TDRD5: variants seen among roughly 807,000 people sequenced by gnomAD.
The protein encoded by TDRD5 is tudor domain containing 5, also known as tudor domain-containing protein 5.
In TDRD5, 41 loss-of-function variants were observed where a neutral mutation model predicts 120.6. The ratio of observed to expected loss-of-function variants is 0.34; its 90% CI spans 0.26 to 0.44. The LOEUF (loss-of-function observed/expected upper bound fraction) is 0.44. Ranked by LOEUF, TDRD5 falls within the 20% of genes least tolerant of loss-of-function variation. The pLI is 1.00. For missense variants in TDRD5, 1,006 were observed against 1,221.2 expected (o/e 0.82, Z 2.63); for synonymous variants, 430 against 433.7 (o/e 0.99, Z 0.11).
chr1:179,686,650 C>G (rs7414462), intron 17 of TDRD5, among the ~76,000 whole-genome samples: 2 of 152,006 alleles, frequency 1.3e-5, no homozygotes, highest in South Asian at 4.2e-4. Flanking sequence ...TGGTAGAATT[C>G]GGCTGTGAAT....
intron 4 of TDRD5, among the ~76,000 whole-genome samples, chr1:179,610,377 C>T (rs1265082156): frequency 3.9e-5 from 6 of 152,172 alleles, no homozygotes; most frequent in Non-Finnish European, 8.8e-5. Context: ...TAACTGCATG[C>T]TTGTCAAATT....
rs376799300 is a variant in TDRD5, at chr1:179,593,571, C to T, written c.344C>T (p.Pro115Leu). The T allele has an allele frequency of 1.3e-4, 204 of 1,614,084 alleles. No individual in the cohort carries two copies. The highest frequency in any genetic ancestry group is 2.2e-5 in the Non-Finnish European group (26 of 1,180,048). Reference sequence around the variant, plus strand: ...GGAAGACCTAGTATTTATTCTGGACCGAGATCTCATCGGCGAGTACCTTAC... The same window carrying T: ...GGAAGACCTAGTATTTATTCTGGACTGAGATCTCATCGGCGAGTACCTTAC... ...HKGRPSIYSG[P>L]RSHRRVPYRG... Residue 115 changes from proline to leucine, a missense_variant, in exon 3 of 18, where the codon CCG becomes CTG. Around this residue, in one of 3 missense-constraint regions of TDRD5, gnomAD observed 445 missense variants for 515.5 expected, o/e 0.86. Transcript: ENST00000444136.
intron 17 of TDRD5, among the ~76,000 whole-genome samples, chr1:179,676,284 G>T (rs137905233): frequency 6.6e-6 from 1 of 151,970 alleles, no homozygotes; most frequent in Non-Finnish European, 1.5e-5. Context: ...CAGAAACTTG[G>T]TTGGTGAATT....
At chr1:179,657,300 A>G (rs1231975153) in intron 14 of TDRD5, among the ~76,000 whole-genome samples, 1 of 152,142 alleles carries the variant, frequency 6.6e-6, no homozygotes, top group Admixed American at 6.5e-5. Context: ...CAACAGTGTT[A>G]TAATTTTCAG....
rs1238645219 is a variant in TDRD5, at chr1:179,690,933, TGGAAGCATGAGGGAG to T, written c.3102_*8del. 10 of 1,611,326 alleles carry T rather than the reference TGGAAGCATGAGGGAG, an allele frequency of 6.2e-6. No homozygotes were observed. The highest frequency in any genetic ancestry group is 8.5e-6 in the Non-Finnish European group (10 of 1,178,264). On this transcript the variant is annotated stop_lost and 3_prime_UTR_variant, in exon 18 of 18. Coordinates refer to ENST00000444136, the MANE Select transcript of TDRD5 (RefSeq NM_001199085.3). ...CACTGGTACCCCAGTGTGAAAAGGA[TGGAAGCATGAGGGAG>T]GGAGGGAGGAGGGAGAAAAACAGAA...
intron 17 of TDRD5, among the ~76,000 whole-genome samples, chr1:179,682,980 A>T (rs910047888): frequency 1.3e-5 from 2 of 151,978 alleles, no homozygotes; most frequent in Non-Finnish European, 2.9e-5. Flanking sequence ...TACTCATTCC[A>T]AGATTCAAGG....
chr1:179,618,596 T>G lies in TDRD5; in HGVS notation c.832-3T>G. 1 of 1,580,624 alleles carries G rather than the reference T, an allele frequency of 6.3e-7. No individual in the cohort carries two copies. Among genetic ancestry groups the G allele is most frequent in the Non-Finnish European group, 8.6e-7 (1 of 1,167,244 alleles). On this transcript the variant is annotated splice_polypyrimidine_tract_variant and splice_region_variant and intron_variant, in intron 4 of 17. Transcript: ENST00000444136. ...ACTTGACTTTTTTTTTCTTTTTTCA[T>G]AGCTGGAGAACACATTCAAATCAGT...
At chr1:179,684,051 CATTTT>C (rs1218890367) in intron 17 of TDRD5, among the ~76,000 whole-genome samples, 1 of 151,798 alleles carries the variant, frequency 6.6e-6, no homozygotes, top group Admixed American at 6.6e-5. Context: ...GCTTTTATTT[CATTTT>C]TTTTATTATA....
intron 17 of TDRD5, among the ~76,000 whole-genome samples, chr1:179,686,089 A>G (rs1680697137): frequency 6.6e-6 from 1 of 152,072 alleles, no homozygotes; most frequent in Non-Finnish European, 1.5e-5. Context: ...GTTGAATAGG[A>G]GTGGTGAGAG....
At position 179,630,776 on chromosome 1, in the gene TDRD5, A is replaced by G. The variant is rs762933380; in HGVS notation, c.982A>G (p.Lys328Glu). The change falls in exon 7 of 18, where the codon AAA (lysine) becomes GAA (glutamate). Residue 328 changes from lysine to glutamate, a missense_variant. By Grantham distance (56) the Lys-to-Glu change is moderately conservative. This residue lies in a region of TDRD5 where 445 missense variants were observed against 515.5 expected (regional missense o/e 0.86). Transcript: ENST00000444136. ...TATTTTCTTGTGACAGGTAATTTTT[A>G]AAGAGCAACTATCACCAAAAAAATT... ...KLLGEYEVIF[K>E]EQLSPKKLGF... is the part of the protein sequence containing the mutation. 5 of 1,612,430 alleles carry G rather than the reference A, an allele frequency of 3.1e-6. No individual in the cohort carries two copies. The highest frequency in any genetic ancestry group is 4.5e-5 in the East Asian group (2 of 44,870).
intron 17 of TDRD5, among the ~76,000 whole-genome samples, chr1:179,685,550 TTAAAG>T (rs1237007805): frequency 1.3e-5 from 2 of 152,192 alleles, no homozygotes; most frequent in African/African-American, 4.8e-5. Context: ...CATATGAACT[TTAAAG>T]TAGTGTTTTC....
At chr1:179,592,356 C>A (rs1675153644) in intron 1 of TDRD5, 6 of 424,108 alleles carry the variant, frequency 1.4e-5, no homozygotes, top group Non-Finnish European at 2.6e-5. Context: ...CGACAGGAAC[C>A]CCAGTTAACG....
At chr1:179,612,575 AG>A (rs969572991) in intron 4 of TDRD5, among the ~76,000 whole-genome samples, 132 of 152,276 alleles carry the variant, frequency 8.7e-4, no homozygotes, top group African/African-American at 3.1e-3. Flanking sequence ...TACCTTTAAG[AG>A]TAGCAATTTG....
At position 179,621,880 on chromosome 1, in the gene TDRD5, C is replaced by T. The variant is rs151067728; in HGVS notation, c.972+789C>T. ...GAGAAGTAACTTGCCTAAGCATCAACATCCAGTAATAGATGGAGCCAAGAT... is the reference window on the plus strand; with the variant it reads ...GAGAAGTAACTTGCCTAAGCATCAATATCCAGTAATAGATGGAGCCAAGAT... On this transcript the variant is annotated intron_variant, in intron 6 of 17. Coordinates refer to ENST00000444136, the MANE Select transcript of TDRD5 (RefSeq NM_001199085.3). 4.1e-3 allele frequency among the ~76,000 whole-genome samples: 619 copies of T among 152,304 alleles called. 3 individuals are homozygous for T. The highest frequency in any genetic ancestry group is 6.8e-3 in the Middle Eastern group (2 of 294).
At chr1:179,592,969 G>C (rs768152385) in intron 2 of TDRD5, 122 bp downstream of exon 2, 40 of 1,031,774 alleles carry the variant, frequency 3.9e-5, no homozygotes, top group Non-Finnish European at 5.1e-5. Flanking sequence ...TGGTGGGGGA[G>C]GGAGACTCAT....
At chr1:179,592,461 G>T in intron 1 of TDRD5, 141 bp from the exon 2 acceptor site, 1 of 646,832 alleles carries the variant, frequency 1.5e-6, no homozygotes, top group East Asian at 2.8e-5. Context: ...CGCGCAAGCC[G>T]CAGGGCACCC....
intron 4 of TDRD5, among the ~76,000 whole-genome samples, chr1:179,602,015 A>C (rs1283857824): frequency 1.3e-5 from 2 of 152,234 alleles, no homozygotes; most frequent in African/African-American, 2.4e-5. Context: ...CATGTTGTCC[A>C]GGCTGGTTGT....
At chr1:179,625,016 G>A (rs1167632222) in intron 6 of TDRD5, among the ~76,000 whole-genome samples, 1 of 151,744 alleles carries the variant, frequency 6.6e-6, no homozygotes, top group East Asian at 1.9e-4. Flanking sequence ...GCTCATGCCT[G>A]TAACCTCAGC....
chr1:179,650,809 T>C, intron 11 of TDRD5, 58 bp from the exon 12 acceptor site: 2 of 1,549,174 alleles, frequency 1.3e-6, no homozygotes, highest in Non-Finnish European at 8.9e-7. Context: ...TTGTATATGG[T>C]TATTATAATT....
Sources: allele counts gnomAD v4.1 joint callset (sites outside exome capture counted in the v4.1 genomes callset), GRCh38; gene constraint gnomAD v4.1.1; regional missense constraint gnomAD v4.1.1; transcripts MANE v1.5; gene names NCBI Gene and HGNC (gene_info 2026-07-23, HGNC 2026-07-21).